The following SLC10A2 variants were observed in gnomAD, a reference collection of about 807,000 sequenced individuals.
SLC10A2 encodes the protein solute carrier family 10 member 2.
SLC10A2 carries 34 observed loss-of-function variants against 27.1 expected under a neutral mutation model. The observed-to-expected ratio is 1.26, with a 90% CI of 0.96 to 1.67. SLC10A2 has a LOEUF of 1.67. SLC10A2 is among the 40% of genes most tolerant of loss of function. The pLI, the probability that SLC10A2 is intolerant of heterozygous loss-of-function variation, is 0.00. For missense variants in SLC10A2, 530 were observed against 444.4 expected (o/e 1.19, Z -1.73); for synonymous variants, 205 against 174.0 (o/e 1.18, Z -1.40).
chr13:103,064,473 A>G (rs16961277), intron 1 of SLC10A2, among the ~76,000 whole-genome samples: 22,530 of 152,152 alleles, frequency 0.15, 1,712 homozygotes, highest in African/African-American at 0.19. Flanking sequence ...AGGGTTCCAT[A>G]TGTGGTATTA....
chr13:103,054,088 GA>G (rs1283480073), intron 2 of SLC10A2, among the ~76,000 whole-genome samples: 1 of 145,186 alleles, frequency 6.9e-6, no homozygotes, highest in African/African-American at 2.7e-5. Context: ...TCTGTTGGAG[GA>G]GGGGCCTGGT....
At chr13:103,060,502 A>C (rs1312186221) in intron 1 of SLC10A2, among the ~76,000 whole-genome samples, 1 of 151,164 alleles carries the variant, frequency 6.6e-6, no homozygotes, top group Non-Finnish European at 1.5e-5. Flanking sequence ...CAGCCTCCCG[A>C]GTAGCTGGGA....
At chr13:103,065,196 C>A (rs2138927460) in intron 1 of SLC10A2, among the ~76,000 whole-genome samples, 1 of 152,220 alleles carries the variant, frequency 6.6e-6, no homozygotes, top group East Asian at 1.9e-4. Flanking sequence ...CTAGTTCAGA[C>A]TGGCACGGGA....
At chr13:103,057,246 C>T (rs1021796843) in intron 2 of SLC10A2, among the ~76,000 whole-genome samples, 24 of 152,134 alleles carry the variant, frequency 1.6e-4, no homozygotes, top group Non-Finnish European at 2.9e-4. Context: ...GTCTTTTGTT[C>T]GTGATAGTTC....
intron 1 of SLC10A2, among the ~76,000 whole-genome samples, chr13:103,061,688 G>C (rs930051174): frequency 2.0e-5 from 3 of 152,104 alleles, no homozygotes; most frequent in Admixed American, 2.0e-4. Context: ...GGACAAAAGA[G>C]GGTTTGGAGA....
intron 2 of SLC10A2, among the ~76,000 whole-genome samples, chr13:103,057,103 A>G (rs915770204): frequency 2.6e-5 from 4 of 152,128 alleles, no homozygotes; most frequent in Non-Finnish European, 4.4e-5. Context: ...GCTTTCTTCA[A>G]TGGGAAACCC....
intron 5 of SLC10A2, among the ~76,000 whole-genome samples, chr13:103,046,954 G>A (rs776105045): frequency 4.3e-4 from 65 of 152,210 alleles, no homozygotes; most frequent in South Asian, 1.0e-3. Flanking sequence ...GCAGATTCAA[G>A]TCATGTTTTC....
intron 5 of SLC10A2, among the ~76,000 whole-genome samples, chr13:103,047,271 C>A (rs1875640596): frequency 6.6e-6 from 1 of 152,114 alleles, no homozygotes; most frequent in Non-Finnish European, 1.5e-5. Context: ...CTTCAAAGAT[C>A]TTATTAACTC....
chr13:103,057,938 C>T (rs540934502), intron 2 of SLC10A2, among the ~76,000 whole-genome samples: 2 of 151,926 alleles, frequency 1.3e-5, no homozygotes, highest in African/African-American at 4.8e-5. Context: ...TGACCATTAA[C>T]TAGTGACACT....
At chr13:103,062,673 T>G (rs1876159618) in intron 1 of SLC10A2, among the ~76,000 whole-genome samples, 1 of 152,132 alleles carries the variant, frequency 6.6e-6, no homozygotes, top group Non-Finnish European at 1.5e-5. Context: ...CAGGGTGAGA[T>G]TTCTTGAATA....
In SLC10A2 at chr13:103,044,904, T is replaced by A. The variant is rs1875562736; in HGVS notation, c.*1229A>T. 6.6e-6 allele frequency: 1 copy of A among 152,218 alleles called. No homozygotes were observed. The highest frequency in any genetic ancestry group is 2.4e-5 in the African/African-American group (1 of 41,466). 9.4% of individuals were successfully genotyped at this position (152,218 alleles called of 1,614,324 possible). A position where few individuals can be genotyped will look rare whatever the true frequency, so the allele number is the denominator to read the frequency against. On this transcript the variant is annotated 3_prime_UTR_variant, in exon 6 of 6. Coordinates refer to ENST00000245312, the MANE Select transcript of SLC10A2 (RefSeq NM_000452.3). Reference sequence around the variant, plus strand: ...TCCCCTGGCAGCCGTAAACCCCTGCTACCGTATATCAGATAGTCCTGGCTT... The same window carrying A: ...TCCCCTGGCAGCCGTAAACCCCTGCAACCGTATATCAGATAGTCCTGGCTT...
chr13:103,063,978 G>C (rs1404982617), intron 1 of SLC10A2, among the ~76,000 whole-genome samples: 8 of 152,146 alleles, frequency 5.3e-5, no homozygotes, highest in Non-Finnish European at 1.2e-4. Flanking sequence ...CTAACACTCT[G>C]CTTCCTTCCC....
chr13:103,044,008 C>A lies in SLC10A2; in HGVS notation c.*2125G>T, dbSNP rs1788960486. 6.6e-6 allele frequency: 1 copy of A among 152,116 alleles called. No individual in the cohort carries two copies. The highest frequency in any genetic ancestry group is 2.1e-4 in the South Asian group (1 of 4,824). 9.4% of individuals were successfully genotyped at this position (152,116 alleles called of 1,614,324 possible). A position where few individuals can be genotyped will look rare whatever the true frequency, so the allele number is the denominator to read the frequency against. ...CAACTAGACCAAACATTACAAAAAT[C>A]ATTTTCATTTATTTAAGCCTTTAAA... On this transcript the variant is annotated 3_prime_UTR_variant, in exon 6 of 6. Transcript: ENST00000245312.
chr13:103,057,271 A>G (rs191009768), intron 2 of SLC10A2, among the ~76,000 whole-genome samples: 5 of 152,318 alleles, frequency 3.3e-5, no homozygotes, highest in African/African-American at 7.2e-5. Flanking sequence ...GGAAATGCCT[A>G]TTCCTGGTAT....
chr13:103,064,148 A>G (rs1202448282), intron 1 of SLC10A2, among the ~76,000 whole-genome samples: 2 of 152,152 alleles, frequency 1.3e-5, no homozygotes, highest in Non-Finnish European at 2.9e-5. Context: ...AGGTTGCTCC[A>G]TGTTGCGTTA....
chr13:103,049,846 T>C (rs1181847303), intron 4 of SLC10A2, among the ~76,000 whole-genome samples: 1 of 152,144 alleles, frequency 6.6e-6, no homozygotes, highest in Non-Finnish European at 1.5e-5. Context: ...GTTTAATTTG[T>C]TTTGTTTAGG....
At chr13:103,057,650 C>T (rs1424848190) in intron 2 of SLC10A2, among the ~76,000 whole-genome samples, 11 of 151,860 alleles carry the variant, frequency 7.2e-5, no homozygotes, top group East Asian at 1.9e-4. Flanking sequence ...AGGCTGAGGC[C>T]GGCAGATCAC....
At chr13:103,065,448 CTAATGTT>C (rs1169881037) in intron 1 of SLC10A2, among the ~76,000 whole-genome samples, 1 of 152,078 alleles carries the variant, frequency 6.6e-6, no homozygotes, top group African/African-American at 2.4e-5. Context: ...ACTACAGGTT[CTAATGTT>C]TGACAAACAG....
chr13:103,060,056 A>G (rs557744813), intron 1 of SLC10A2, among the ~76,000 whole-genome samples: 3 of 152,152 alleles, frequency 2.0e-5, no homozygotes, highest in East Asian at 3.9e-4. Context: ...GGCTATCTAC[A>G]TGGAGACATT....
Sources: gnomAD v4.1 joint callset for allele counts (sites outside exome capture counted in the v4.1 genomes callset) on GRCh38, gnomAD v4.1.1 for gene constraint, MANE v1.5 for transcripts, NCBI Gene and HGNC (gene_info 2026-07-23, HGNC 2026-07-21) for gene names.